SPAST: variants seen among roughly 807,000 people sequenced by gnomAD.
The protein encoded by SPAST is spastic paraplegia 4 (autosomal dominant; spastin).
A neutral mutation model predicts 76.6 loss-of-function variants in SPAST; 30 were observed. That is an observed-to-expected ratio of 0.39 (90% CI 0.29 to 0.53). The LOEUF is 0.53. Ranked by LOEUF, SPAST falls within the 20% of genes least tolerant of loss-of-function variation. The pLI is 0.68. For synonymous variants in SPAST, 305 were observed against 281.0 expected, an observed-to-expected ratio of 1.09 and a Z score of -0.86; for missense variants, 717 against 770.5, an observed-to-expected ratio of 0.93 and a Z score of 0.82.
chr2:32,076,600 T>C (rs1676970892), intron 1 of SPAST, among the ~76,000 whole-genome samples: 1 of 152,132 alleles, frequency 6.6e-6, no homozygotes, highest in Non-Finnish European at 1.5e-5. Flanking sequence ...CTATTAGTAA[T>C]TCATCCCTGA....
Position 32,122,107 on chromosome 2 carries a change from A to C in SPAST, c.1099-4841A>C, listed in dbSNP as rs139322090. Among the ~76,000 whole-genome samples the C allele has an allele frequency of 4.2e-3, 633 of 152,230 alleles. 9 individuals are homozygous for C. The highest frequency in any genetic ancestry group is 0.015 in the African/African-American group (623 of 41,546). ...GTGAGAGCCCATTAATCACAGGATG[A>C]TCAAGCAGCAAGCCTACTGTTTATT... is the stretch of plus-strand genomic sequence containing the variant. On this transcript the variant is annotated intron_variant, in intron 7 of 16. Transcript: ENST00000315285.
At chr2:32,126,748 A>C in intron 7 of SPAST, 200 bp from the exon 8 acceptor site, 1 of 531,566 alleles carries the variant, frequency 1.9e-6, no homozygotes, top group South Asian at 2.4e-5. Context: ...TTGCCCCCTA[A>C]AGTCTGGGAT....
At chr2:32,089,218 T>TTTTTTTTTTTTTTTTTTTTTTTTTTTC (rs375850129) in intron 2 of SPAST, among the ~76,000 whole-genome samples, 2 of 129,998 alleles carry the variant, frequency 1.5e-5, no homozygotes, top group South Asian at 2.7e-4. Context: ...TTTTTTTTTT[T>TTTTTTTTTTTTTTTTTTTTTTTTTTTC]AAGTAGAGAC....
chr2:32,094,678 T>C (rs1413149209), intron 3 of SPAST, among the ~76,000 whole-genome samples: 1 of 152,154 alleles, frequency 6.6e-6, no homozygotes, highest in Non-Finnish European at 1.5e-5. Context: ...ACAAAGATTT[T>C]TAAGAAAGCA....
intron 1 of SPAST, among the ~76,000 whole-genome samples, chr2:32,087,140 T>C (rs1677514774): frequency 6.6e-6 from 1 of 152,238 alleles, no homozygotes; most frequent in Non-Finnish European, 1.5e-5. Flanking sequence ...ATGCTTTTTG[T>C]TTCATTGTTA....
chr2:32,148,358 A>T (rs1054990306), intron 16 of SPAST, among the ~76,000 whole-genome samples: 21 of 152,154 alleles, frequency 1.4e-4, no homozygotes, highest in Non-Finnish European at 4.4e-5. Context: ...ATCAAATCAT[A>T]TTACATAAAT....
chr2:32,144,621 C>T (rs895698870), intron 14 of SPAST, among the ~76,000 whole-genome samples: 5 of 152,142 alleles, frequency 3.3e-5, no homozygotes, highest in East Asian at 1.9e-4. Context: ...TGCGGTGGCT[C>T]ATGCCTGTAA....
chr2:32,078,608 G>A (rs567860649), intron 1 of SPAST, among the ~76,000 whole-genome samples: 1 of 152,254 alleles, frequency 6.6e-6, no homozygotes, highest in East Asian at 1.9e-4. Flanking sequence ...TATGATAATG[G>A]CATTGCACTC....
chr2:32,139,851 GA>G (rs962393586), intron 12 of SPAST, among the ~76,000 whole-genome samples: 106 of 132,190 alleles, frequency 8.0e-4, no homozygotes, highest in African/African-American at 2.2e-3. Flanking sequence ...AAAAAAAAAA[GA>G]AAAAAAAAAA....
At chr2:32,139,604 G>C (rs1054129337) in intron 12 of SPAST, among the ~76,000 whole-genome samples, 1 of 151,978 alleles carries the variant, frequency 6.6e-6, no homozygotes, top group Admixed American at 6.6e-5. Context: ...GAGGCAGGTG[G>C]ATCACCTGAG....
intron 2 of SPAST, among the ~76,000 whole-genome samples, chr2:32,087,825 A>T (rs1405373087): frequency 1.4e-5 from 2 of 144,332 alleles, no homozygotes; most frequent in African/African-American, 5.1e-5. Context: ...CTTCCCATGT[A>T]GCTGGGACCA....
At chr2:32,128,609 A>C in intron 9 of SPAST, 130 bp downstream of exon 9, 1 of 693,886 alleles carries the variant, frequency 1.4e-6, no homozygotes, top group Non-Finnish European at 2.6e-6. Flanking sequence ...TTATTTACAT[A>C]TGATGAATAT....
intron 4 of SPAST, among the ~76,000 whole-genome samples, chr2:32,100,474 A>G (rs1376307780): frequency 6.6e-6 from 1 of 151,966 alleles, no homozygotes; most frequent in East Asian, 1.9e-4. Flanking sequence ...TATATTTTTA[A>G]TTACACTTTA....
chr2:32,090,016 G>A (rs563014914), intron 3 of SPAST, among the ~76,000 whole-genome samples: 7 of 152,276 alleles, frequency 4.6e-5, no homozygotes, highest in South Asian at 2.1e-4. Flanking sequence ...CACCCGCCTC[G>A]GCCTCCCGAA....
At chr2:32,076,663 C>G (rs1676972863) in intron 1 of SPAST, among the ~76,000 whole-genome samples, 1 of 152,084 alleles carries the variant, frequency 6.6e-6, no homozygotes, top group Non-Finnish European at 1.5e-5. Flanking sequence ...TGGGGATTAA[C>G]ACACCATGAA....
intron 3 of SPAST, among the ~76,000 whole-genome samples, chr2:32,094,535 G>T (rs932812934): frequency 2.0e-5 from 3 of 152,234 alleles, no homozygotes; most frequent in Non-Finnish European, 4.4e-5. Context: ...AGAGGCCAAT[G>T]TGTTCCAGCA....
intron 7 of SPAST, among the ~76,000 whole-genome samples, chr2:32,121,791 G>C (rs1179978769): frequency 6.6e-6 from 1 of 151,160 alleles, no homozygotes; most frequent in African/African-American, 2.4e-5. Context: ...TGATCCACCT[G>C]CTTTGGCCTC....
intron 3 of SPAST, 109 bp from the exon 4 acceptor site, chr2:32,098,687 A>G (rs2148717582): frequency 5.7e-6 from 4 of 699,420 alleles, no homozygotes; most frequent in Middle Eastern, 3.1e-4. Context: ...TCATGTAACA[A>G]TCTGGTAACA....
chr2:32,145,025 T>G lies in SPAST; in HGVS notation c.1687+18T>G, dbSNP rs941558924. On this transcript the variant is annotated intron_variant, in intron 15 of 16. Coordinates refer to ENST00000315285, the MANE Select transcript of SPAST (RefSeq NM_014946.4). ...TATCCGAGGTAGGTATACAAGAGCT[T>G]AAAACATTTAGAACTATTTATTATA... 1.3e-6 allele frequency: 2 copies of G among 1,578,798 alleles called. No homozygotes were observed. The highest frequency in any genetic ancestry group is 1.7e-4 in the Middle Eastern group (1 of 6,024).
Sources: gnomAD v4.1 joint callset for allele counts (sites outside exome capture counted in the v4.1 genomes callset) on GRCh38, gnomAD v4.1.1 for gene constraint, MANE v1.5 for transcripts, NCBI Gene and HGNC (gene_info 2026-07-23, HGNC 2026-07-21) for gene names.